The following MBD5 variants were observed in gnomAD, a reference collection of about 807,000 sequenced individuals.
The protein encoded by MBD5 is methyl-CpG binding domain protein 5.
A neutral mutation model predicts 117.3 loss-of-function variants in MBD5; 13 were observed. The ratio of observed to expected loss-of-function variants is 0.11; its 90% confidence interval spans 0.07 to 0.18. MBD5 has a LOEUF of 0.18. Ranked by LOEUF, MBD5 falls within the 10% of genes least tolerant of loss-of-function variation. The pLI is 1.00. For synonymous variants in MBD5, 727 were observed against 766.4 expected, an observed-to-expected ratio of 0.95 and a Z score of 0.85; for missense variants, 1,879 against 2,093.8, an observed-to-expected ratio of 0.90 and a Z score of 2.00.
chr2:148,154,613 G>C (rs879247921), intron 1 of MBD5, among the ~76,000 whole-genome samples: 8 of 152,222 alleles, frequency 5.3e-5, no homozygotes, highest in East Asian at 1.9e-4. Flanking sequence ...CTCTGAGCCA[G>C]GTGCGGGATA....
intron 4 of MBD5, among the ~76,000 whole-genome samples, chr2:148,442,342 GA>G (rs1338673210): frequency 3.3e-5 from 5 of 151,120 alleles, no homozygotes; most frequent in African/African-American, 9.9e-5. Context: ...TGCTATGGGG[GA>G]AAAAGTGACA....
chr2:148,054,054 G>C (rs984231586), intron 1 of MBD5: 1 of 151,710 alleles, frequency 6.6e-6, no homozygotes, highest in African/African-American at 2.4e-5. Context: ...ACTACAGGTG[G>C]GCGCCACTAC....
At chr2:148,502,154 A>G (rs1333290428) in intron 11 of MBD5, among the ~76,000 whole-genome samples, 1 of 152,228 alleles carries the variant, frequency 6.6e-6, no homozygotes, top group Admixed American at 6.5e-5. Flanking sequence ...GATTTTGTGA[A>G]TTGAAGGTTG....
chr2:148,278,855 G>C (rs1302439866), intron 3 of MBD5, among the ~76,000 whole-genome samples: 2 of 152,176 alleles, frequency 1.3e-5, no homozygotes, highest in East Asian at 3.9e-4. Context: ...AAGGCTGAAG[G>C]CCTGAGAGCC....
At chr2:148,485,486 C>T (rs750119938) in intron 9 of MBD5, 6 of 450,916 alleles carry the variant, frequency 1.3e-5, no homozygotes, top group Non-Finnish European at 2.0e-5. Context: ...TATATAAGGA[C>T]TGCCTAATGA....
Position 148,344,856 on chromosome 2 carries a change from CTT to C in MBD5, c.-557+2521_-557+2522del, listed in dbSNP as rs565728419. On this transcript the variant is annotated intron_variant, in intron 4 of 13. Transcript: ENST00000642680. ...TTTTATTAAATATATGGAAACATGA[CTT>C]AAGTGATATGTATTCATATCTGATG... is the stretch of plus-strand genomic sequence containing the variant. 1.6e-4 allele frequency among the ~76,000 whole-genome samples: 24 copies of C among 151,818 alleles called. No individual in the cohort carries two copies. The East Asian group carries it at 4.7e-3, about 29-fold the overall frequency.
At chr2:148,152,631 G>A (rs933445622) in intron 1 of MBD5, among the ~76,000 whole-genome samples, 1 of 152,156 alleles carries the variant, frequency 6.6e-6, no homozygotes, top group Non-Finnish European at 1.5e-5. Flanking sequence ...TCCTGTATTC[G>A]TTGCATATAT....
intron 3 of MBD5, among the ~76,000 whole-genome samples, chr2:148,237,510 G>A (rs1700116980): frequency 6.6e-6 from 1 of 152,156 alleles, no homozygotes; most frequent in Non-Finnish European, 1.5e-5. Context: ...AGGCATTGGA[G>A]TATTCAGAAC....
At chr2:148,304,956 T>C (rs924735512) in intron 3 of MBD5, among the ~76,000 whole-genome samples, 9 of 150,908 alleles carry the variant, frequency 6.0e-5, no homozygotes, top group African/African-American at 2.2e-4. Context: ...TCCCAGCTAC[T>C]TGGGAGGCTG....
chr2:148,325,838 A>C (rs1243174585), intron 3 of MBD5, among the ~76,000 whole-genome samples: 1 of 151,688 alleles, frequency 6.6e-6, no homozygotes, highest in Non-Finnish European at 1.5e-5. Context: ...TATTTCCTTC[A>C]GTTCTGCTCT....
rs1370443316 is a variant in MBD5 at position 148,134,233 on chromosome 2, T to TCG, written c.-924-44467_-924-44466insCG. Among the ~76,000 whole-genome samples, 277 of 133,078 alleles carry TCG rather than the reference T, an allele frequency of 2.1e-3. 1 individual carries two copies. The highest frequency in any genetic ancestry group is 3.2e-3 in the Non-Finnish European group (197 of 61,232). 87.3% of individuals were successfully genotyped at this position (133,078 alleles called of 152,430 possible). A position where few individuals can be genotyped will look rare whatever the true frequency, so the allele number is the denominator to read the frequency against. ...GATGACAGATAGATAGATAGATAGATAGATCGATCGATCTACCGATAGAAA... is the reference window on the plus strand; with the variant it reads ...GATGACAGATAGATAGATAGATAGATCGAGATCGATCGATCTACCGATAGAAA... On this transcript the variant is annotated intron_variant, in intron 1 of 13. Coordinates refer to ENST00000642680, the MANE Select transcript of MBD5 (RefSeq NM_001378120.1).
At chr2:148,386,741 A>AAAAAAAAAT in intron 4 of MBD5, among the ~76,000 whole-genome samples, 1 of 132,898 alleles carries the variant, frequency 7.5e-6, no homozygotes, top group Non-Finnish European at 1.6e-5. Flanking sequence ...AAAAAAAAAA[A>AAAAAAAAAT]AAGAAGATAC....
At chr2:148,187,288 C>A (rs1272487139) in intron 2 of MBD5, among the ~76,000 whole-genome samples, 1 of 151,464 alleles carries the variant, frequency 6.6e-6, no homozygotes, top group Non-Finnish European at 1.5e-5. Flanking sequence ...GAAAACTGAA[C>A]CCTCCCCCTT....
chr2:148,271,515 A>T (rs963283349), intron 3 of MBD5, among the ~76,000 whole-genome samples: 1 of 152,038 alleles, frequency 6.6e-6, no homozygotes, highest in African/African-American at 2.4e-5. Flanking sequence ...GCACTGTGTT[A>T]TTTCTAGTAT....
chr2:148,220,369 G>T (rs1167386166), intron 2 of MBD5, among the ~76,000 whole-genome samples: 2 of 152,084 alleles, frequency 1.3e-5, no homozygotes, highest in Non-Finnish European at 2.9e-5. Flanking sequence ...ATTATTATCT[G>T]TTAGGCACTG....
chr2:148,254,579 A>T (rs1001973467), intron 3 of MBD5, among the ~76,000 whole-genome samples: 9 of 152,118 alleles, frequency 5.9e-5, no homozygotes, highest in Admixed American at 5.9e-4. Flanking sequence ...CATGAGGAGA[A>T]CAGTGGCAGG....
chr2:148,422,383 C>T (rs760461315), intron 4 of MBD5, among the ~76,000 whole-genome samples: 7 of 152,186 alleles, frequency 4.6e-5, no homozygotes, highest in Non-Finnish European at 8.8e-5. Context: ...AAAGGAATAG[C>T]ATCAACATCA....
chr2:148,227,540 G>C (rs940702264), intron 2 of MBD5, among the ~76,000 whole-genome samples: 2 of 152,162 alleles, frequency 1.3e-5, no homozygotes, highest in African/African-American at 4.8e-5. Context: ...TTTGAAGTCA[G>C]GTAGCATGAT....
At chr2:148,240,369 A>G (rs957684424) in intron 3 of MBD5, among the ~76,000 whole-genome samples, 1 of 152,026 alleles carries the variant, frequency 6.6e-6, no homozygotes, top group Non-Finnish European at 1.5e-5. Context: ...ATACATATGT[A>G]ACAAACCTCC....
Sources: allele counts gnomAD v4.1 joint callset (sites outside exome capture counted in the v4.1 genomes callset), GRCh38; gene constraint gnomAD v4.1.1; transcripts MANE v1.5; gene names NCBI Gene and HGNC (gene_info 2026-07-23, HGNC 2026-07-21).